SASH1: variants seen among roughly 807,000 people sequenced by gnomAD.
SASH1 encodes SAM and SH3 domain containing 1.
Under a neutral mutation model 125.2 loss-of-function variants are expected in SASH1, and 44 were observed. That is an observed-to-expected ratio of 0.35 (90% CI 0.28 to 0.45). The LOEUF is 0.45. Ranked by LOEUF, SASH1 falls within the 20% of genes least tolerant of loss-of-function variation. The pLI is 1.00. For missense variants in SASH1, 1,426 were observed against 1,614.5 expected (o/e 0.88, Z 2.00); for synonymous variants, 639 against 649.1 (o/e 0.98, Z 0.24).
At chr6:148,350,263 G>A (rs1781681815) in intron 1 of SASH1, among the ~76,000 whole-genome samples, 2 of 151,998 alleles carry the variant, frequency 1.3e-5, no homozygotes, top group African/African-American at 4.8e-5. Context: ...GACCAGCCTG[G>A]GTAACATAGC....
At chr6:148,422,310 G>T (rs1007818769) in intron 2 of SASH1, among the ~76,000 whole-genome samples, 2 of 152,184 alleles carry the variant, frequency 1.3e-5, no homozygotes, top group African/African-American at 4.8e-5. Context: ...ACTCCACCTT[G>T]TCCCCTCCTC....
intron 1 of SASH1, among the ~76,000 whole-genome samples, chr6:148,321,279 T>C (rs528650558): frequency 6.6e-6 from 1 of 151,862 alleles, no homozygotes; most frequent in Non-Finnish European, 1.5e-5. Flanking sequence ...TAATCCCACC[T>C]ACTTGGGAAG....
At chr6:148,216,856 G>C in the SASH1 span, among the ~76,000 whole-genome samples, 1 of 151,894 alleles carries the variant, frequency 6.6e-6, no homozygotes, top group Admixed American at 6.6e-5. Context: ...TCAGGCTCCC[G>C]AGTAGCTGGA....
chr6:148,285,488 G>A (rs944996155), intron 1 of SASH1, among the ~76,000 whole-genome samples: 1 of 152,194 alleles, frequency 6.6e-6, no homozygotes. Context: ...ATAGTAGCTA[G>A]AGAACACTTT....
chr6:148,507,358 T>TTTGTTGTTG (rs140530862), intron 8 of SASH1, among the ~76,000 whole-genome samples: 23,700 of 150,432 alleles, frequency 0.16, 2,106 homozygotes, highest in Middle Eastern at 0.23. Flanking sequence ...CCAATTCCCT[T>TTTGTTGTTG]TTGTTGTTGT....
chr6:148,435,360 C>T (rs1475163787), intron 2 of SASH1, among the ~76,000 whole-genome samples: 1 of 119,368 alleles, frequency 8.4e-6, no homozygotes, highest in East Asian at 2.4e-4. Flanking sequence ...GCCTGGGAGA[C>T]AGAGCCAGAC....
chr6:148,264,349 T>C, the SASH1 span, among the ~76,000 whole-genome samples: 1 of 152,222 alleles, frequency 6.6e-6, no homozygotes, highest in African/African-American at 2.4e-5. Flanking sequence ...TTTAAAAATA[T>C]GAGCAGATTA....
At chr6:148,374,706 G>T (rs537263536) in intron 1 of SASH1, among the ~76,000 whole-genome samples, 1,733 of 104,162 alleles carry the variant, frequency 0.017, 21 homozygotes, top group Non-Finnish European at 0.023. Context: ...ATTTTTTTTG[G>T]GGGGGGGGGA....
rs75501319 is a variant in SASH1, at chr6:148,433,950, A to G, written c.286-6234A>G. Reference sequence around the variant, plus strand: ...TTTAAAAATATATTAAAGTAATTGAAAAAGGTTATAAATTGAGAAGTAACC... The same window carrying G: ...TTTAAAAATATATTAAAGTAATTGAGAAAGGTTATAAATTGAGAAGTAACC... On this transcript the variant is annotated intron_variant, in intron 2 of 19. Transcript: ENST00000367467. Among the ~76,000 whole-genome samples, 1,010 of 152,034 alleles carry G rather than the reference A, an allele frequency of 6.6e-3. 8 individuals are homozygous for G. Among genetic ancestry groups the G allele is most frequent in the Non-Finnish European group, 0.01 (702 of 67,988 alleles).
chr6:148,408,140 CT>C (rs35856337), intron 2 of SASH1, among the ~76,000 whole-genome samples: 488 of 119,218 alleles, frequency 4.1e-3, no homozygotes, highest in South Asian at 7.8e-3. Flanking sequence ...GGCATCTTTC[CT>C]TTTTTTTTTT....
the SASH1 span, among the ~76,000 whole-genome samples, chr6:148,255,234 C>A: frequency 1.3e-5 from 2 of 152,180 alleles, no homozygotes; most frequent in Admixed American, 1.3e-4. Flanking sequence ...AAGTCCAAGA[C>A]CAAGGTGTTG....
chr6:148,508,049 C>T (rs762567517), intron 8 of SASH1, among the ~76,000 whole-genome samples: 7 of 152,174 alleles, frequency 4.6e-5, no homozygotes, highest in South Asian at 4.1e-4. Flanking sequence ...TCTTGTGACA[C>T]GGTCCTCATG....
At chr6:148,318,555 T>A (rs1470812150) in intron 1 of SASH1, among the ~76,000 whole-genome samples, 2 of 5,386 alleles carry the variant, frequency 3.7e-4, no homozygotes, top group Admixed American at 2.7e-3. Flanking sequence ...TACTAATTTC[T>A]TTTTTTTTTT....
chr6:148,230,381 T>C, the SASH1 span, among the ~76,000 whole-genome samples: 8 of 152,240 alleles, frequency 5.3e-5, no homozygotes, highest in Admixed American at 2.0e-4. Flanking sequence ...TTTCACTATA[T>C]AGCCCAGGCT....
At chr6:148,478,185 A>G (rs1019920663) in intron 7 of SASH1, among the ~76,000 whole-genome samples, 1 of 152,208 alleles carries the variant, frequency 6.6e-6, no homozygotes, top group Admixed American at 6.5e-5. Context: ...GCTAGTATCT[A>G]CCCAAAAGAA....
At chr6:148,374,657 C>T (rs1461036843) in intron 1 of SASH1, among the ~76,000 whole-genome samples, 1 of 151,136 alleles carries the variant, frequency 6.6e-6, no homozygotes, top group Admixed American at 6.6e-5. Flanking sequence ...TTGTTCTTTT[C>T]AAACTTAAAT....
chr6:148,477,773 G>A (rs1778433873), intron 7 of SASH1, among the ~76,000 whole-genome samples: 1 of 113,988 alleles, frequency 8.8e-6, no homozygotes, highest in Admixed American at 8.8e-5. Context: ...TCTTGGATCA[G>A]TGCAACCTCC....
intron 1 of SASH1, among the ~76,000 whole-genome samples, chr6:148,374,592 G>A (rs1327939293): frequency 6.6e-6 from 1 of 152,086 alleles, no homozygotes; most frequent in Non-Finnish European, 1.5e-5. Context: ...GTAACCCTGT[G>A]TAGAATGTGA....
rs754582319 is a variant in SASH1, at chr6:148,384,070, C to CAT, written c.157-6061_157-6060dup. On this transcript the variant is annotated intron_variant, in intron 1 of 19. Transcript: ENST00000367467. ...TCAGCAAGTGAAATGGATTGTCATA[C>CAT]ATATGGACAGATGCTGTGACCAGGT... Among the ~76,000 whole-genome samples, 7 of 152,068 alleles carry CAT rather than the reference C, an allele frequency of 4.6e-5. No individual in the cohort carries two copies. In the East Asian group the frequency reaches 9.6e-4, roughly 21 times the overall value.
Sources: gnomAD v4.1 joint callset for allele counts (sites outside exome capture counted in the v4.1 genomes callset) on GRCh38, gnomAD v4.1.1 for gene constraint, MANE v1.5 for transcripts, NCBI Gene and HGNC (gene_info 2026-07-23, HGNC 2026-07-21) for gene names.